Variants in ADAMTS6 observed in about 807,000 individuals in gnomAD.
The protein encoded by ADAMTS6 is ADAM metallopeptidase with thrombospondin type 1 motif 6.
In ADAMTS6, 23 loss-of-function variants were observed where a neutral mutation model predicts 144.3. The observed-to-expected ratio is 0.16, with a 90% CI of 0.11 to 0.23. The LOEUF is 0.23. ADAMTS6 is among the 10% of genes least tolerant of loss of function. The probability of loss-of-function intolerance (pLI) is 1.00; values close to 1 mark genes in which losing one functional copy is unlikely to be tolerated. For synonymous variants in ADAMTS6, 444 were observed against 457.5 expected, an observed-to-expected ratio of 0.97 and a Z score of 0.38; for missense variants, 999 against 1,379.6, an observed-to-expected ratio of 0.72 and a Z score of 4.37.
intron 10 of ADAMTS6, among the ~76,000 whole-genome samples, chr5:65,299,365 A>G (rs1743151581): frequency 6.6e-6 from 1 of 152,178 alleles, no homozygotes; most frequent in Non-Finnish European, 1.5e-5. Context: ...CTGAAGCCCT[A>G]TGCAAGTGAG....
At chr5:65,183,424 A>G (rs1754477963) in intron 22 of ADAMTS6, among the ~76,000 whole-genome samples, 1 of 151,952 alleles carries the variant, frequency 6.6e-6, no homozygotes, top group Non-Finnish European at 1.5e-5. Flanking sequence ...TTTTATTATT[A>G]TTATTGTTAA....
intron 22 of ADAMTS6, among the ~76,000 whole-genome samples, chr5:65,182,682 A>G (rs2112145138): frequency 6.6e-6 from 1 of 152,322 alleles, no homozygotes; most frequent in African/African-American, 2.4e-5. Context: ...TACATGCACA[A>G]AGACTAACCC....
intron 18 of ADAMTS6, among the ~76,000 whole-genome samples, chr5:65,216,602 T>C (rs952671578): frequency 6.6e-6 from 1 of 152,104 alleles, no homozygotes; most frequent in African/African-American, 2.4e-5. Context: ...AAAGGATAAA[T>C]GCCAGATGGG....
chr5:65,187,846 A>C (rs1478113554), intron 22 of ADAMTS6, among the ~76,000 whole-genome samples, 170 bp downstream of exon 22: 7 of 152,170 alleles, frequency 4.6e-5, no homozygotes, highest in Admixed American at 2.0e-4. Context: ...TTACCCACCC[A>C]AAAACACCCC....
chr5:65,265,884 G>A (rs956341342), intron 12 of ADAMTS6, among the ~76,000 whole-genome samples: 3 of 150,642 alleles, frequency 2.0e-5, no homozygotes, highest in African/African-American at 7.3e-5. Context: ...AAAAATTAGT[G>A]GTAAAAAAAA....
intron 1 of ADAMTS6, 46 bp downstream of exon 1, chr5:65,481,297 G>GT (rs1561583954): frequency 6.7e-6 from 1 of 148,800 alleles, no homozygotes; most frequent in African/African-American, 2.5e-5. Flanking sequence ...CAAGTTGTTG[G>GT]TTTAAAAAAA....
intron 7 of ADAMTS6, among the ~76,000 whole-genome samples, chr5:65,348,342 C>T (rs1748538481): frequency 6.6e-6 from 1 of 152,050 alleles, no homozygotes; most frequent in Non-Finnish European, 1.5e-5. Context: ...AGAAGGAAAT[C>T]CTGTTATTTA....
At chr5:65,263,379 A>T (rs978479797) in intron 12 of ADAMTS6, among the ~76,000 whole-genome samples, 5 of 151,470 alleles carry the variant, frequency 3.3e-5, no homozygotes, top group Non-Finnish European at 7.4e-5. Context: ...AAGGTTCCCC[A>T]GTAAGGAATT....
At chr5:65,301,776 C>T (rs1561397587) in intron 9 of ADAMTS6, among the ~76,000 whole-genome samples, 1 of 151,950 alleles carries the variant, frequency 6.6e-6, no homozygotes, top group Non-Finnish European at 1.5e-5. Flanking sequence ...ATAAAAAGAG[C>T]TATAATAAAG....
chr5:65,341,427 A>G (rs1747810861), intron 7 of ADAMTS6, among the ~76,000 whole-genome samples: 2 of 151,924 alleles, frequency 1.3e-5, no homozygotes, highest in African/African-American at 4.8e-5. Flanking sequence ...TTTTGAAAAG[A>G]TAACGAAAAC....
At chr5:65,225,353 T>C (rs1053295482) in intron 16 of ADAMTS6, among the ~76,000 whole-genome samples, 1 of 152,206 alleles carries the variant, frequency 6.6e-6, no homozygotes, top group Non-Finnish European at 1.5e-5. Context: ...GGATAGAAAC[T>C]TTTCCAAGAA....
At chr5:65,365,646 C>CAAA (rs779896418) in intron 7 of ADAMTS6, among the ~76,000 whole-genome samples, 2 of 91,982 alleles carry the variant, frequency 2.2e-5, no homozygotes, top group Admixed American at 1.1e-4. Context: ...GACTCTGTTT[C>CAAA]AAAAAAAAAA....
intron 14 of ADAMTS6, among the ~76,000 whole-genome samples, chr5:65,252,800 T>C (rs949492876): frequency 6.9e-6 from 1 of 145,086 alleles, no homozygotes; most frequent in Non-Finnish European, 1.5e-5. Flanking sequence ...TAGACTGGGT[T>C]GCAAGGTCCT....
At chr5:65,203,038 G>A (rs891278125) in intron 20 of ADAMTS6, among the ~76,000 whole-genome samples, 11 of 151,890 alleles carry the variant, frequency 7.2e-5, no homozygotes, top group African/African-American at 2.7e-4. Flanking sequence ...CTTTTCCTCT[G>A]TATTCTACAG....
At chr5:65,345,794 C>T (rs1439149214) in intron 7 of ADAMTS6, among the ~76,000 whole-genome samples, 1 of 151,650 alleles carries the variant, frequency 6.6e-6, no homozygotes, top group Non-Finnish European at 1.5e-5. Flanking sequence ...TGTATTTGTC[C>T]TTTCAGTTCT....
chr5:65,236,918 A>T (rs1036269355), intron 15 of ADAMTS6, among the ~76,000 whole-genome samples: 5 of 152,146 alleles, frequency 3.3e-5, no homozygotes, highest in Admixed American at 2.6e-4. Flanking sequence ...ATCCCAAACA[A>T]GACTGACCAA....
intron 21 of ADAMTS6, among the ~76,000 whole-genome samples, chr5:65,189,885 T>C (rs1754903783): frequency 6.6e-6 from 1 of 152,226 alleles, no homozygotes; most frequent in Non-Finnish European, 1.5e-5. Context: ...TCCATAATTA[T>C]AAATCATGCA....
chr5:65,229,263 A>G (rs1323912405), intron 15 of ADAMTS6, among the ~76,000 whole-genome samples: 1 of 152,190 alleles, frequency 6.6e-6, no homozygotes, highest in Non-Finnish European at 1.5e-5. Flanking sequence ...AGGGACATCC[A>G]TAGAAAAGGT....
chr5:65,215,570 A>G lies in ADAMTS6; in HGVS notation c.2273-83T>C. 2.5e-6 allele frequency: 3 copies of G among 1,179,974 alleles called. No individual in the cohort carries two copies. The South Asian group carries it at 4.7e-5, about 18-fold the overall frequency. 73.1% of individuals were successfully genotyped at this position (1,179,974 alleles called of 1,614,324 possible). A position where few individuals can be genotyped will look rare whatever the true frequency, so the allele number is the denominator to read the frequency against. On this transcript the variant is annotated intron_variant, in intron 18 of 24. Coordinates refer to ENST00000381055, the MANE Select transcript of ADAMTS6 (RefSeq NM_197941.4). ...CTGATTAATTACTGCAATAAAGTAT[A>G]CAATGAATACCGATTTCCATTTAGA... is the stretch of plus-strand genomic sequence containing the variant.
Sources: allele counts gnomAD v4.1 joint callset (sites outside exome capture counted in the v4.1 genomes callset), GRCh38; gene constraint gnomAD v4.1.1; transcripts MANE v1.5; gene names NCBI Gene and HGNC (gene_info 2026-07-23, HGNC 2026-07-21).